UHRF2: variants seen among roughly 807,000 people sequenced by gnomAD.
UHRF2 encodes the protein ubiquitin like with PHD and ring finger domains 2.
In UHRF2, 23 loss-of-function variants were observed where a neutral mutation model predicts 96.8. The observed-to-expected ratio is 0.24, with a 90% CI of 0.17 to 0.34. The LOEUF (loss-of-function observed/expected upper bound fraction) is 0.34, where lower values mean the gene tolerates loss of function less well. Ranked by LOEUF, UHRF2 falls within the 10% of genes least tolerant of loss-of-function variation. The probability of loss-of-function intolerance (pLI) is 1.00; values close to 1 mark genes in which losing one functional copy is unlikely to be tolerated. For missense variants in UHRF2, 685 were observed against 981.5 expected (o/e 0.70, Z 4.04); for synonymous variants, 385 against 332.6 (o/e 1.16, Z -1.72).
rs576362893 is a variant in UHRF2, at chr9:6,474,592, G to A, written c.864-799G>A. On this transcript the variant is annotated intron_variant, in intron 4 of 15. Transcript: ENST00000276893. ...ATGGTGGCGCAGGCCTGTAATCCCAGCTACTTGGAAGGCTGAGGCAGGAGA... is the reference window on the plus strand; with the variant it reads ...ATGGTGGCGCAGGCCTGTAATCCCAACTACTTGGAAGGCTGAGGCAGGAGA... 2.6e-5 allele frequency among the ~76,000 whole-genome samples: 4 copies of A among 152,314 alleles called. No individual in the cohort carries two copies. In the South Asian group the frequency reaches 8.3e-4, roughly 32 times the overall value.
chr9:6,424,493 TA>T (rs1383658580), intron 2 of UHRF2, among the ~76,000 whole-genome samples: 1 of 152,232 alleles, frequency 6.6e-6, no homozygotes, highest in Non-Finnish European at 1.5e-5. Context: ...ATTACTTTTT[TA>T]TTTGTGTTAC....
rs185613335 is a variant in UHRF2 at position 6,498,377 on chromosome 9, G to A, written c.1908+219G>A. The A allele has an allele frequency of 1.7e-5, 7 of 410,292 alleles. No individual in the cohort carries two copies. The East Asian group carries it at 2.8e-4, about 16-fold the overall frequency. 25.4% of individuals were successfully genotyped at this position (410,292 alleles called of 1,614,324 possible). A position where few individuals can be genotyped will look rare whatever the true frequency, so the allele number is the denominator to read the frequency against. On this transcript the variant is annotated intron_variant, in intron 12 of 15. Transcript: ENST00000276893. ...CAAGGGTTGTGCTTGGGAAAAGTTG[G>A]ACCTGTTAATTAAAAGTAAAATATT... is the stretch of plus-strand genomic sequence containing the variant.
intron 4 of UHRF2, among the ~76,000 whole-genome samples, chr9:6,469,757 TAC>T (rs1823123886): frequency 2.7e-5 from 4 of 150,396 alleles, no homozygotes; most frequent in Admixed American, 6.6e-5. Flanking sequence ...CACGTATATA[TAC>T]ACACGTATAT....
chr9:6,454,520 G>C (rs1031433369), intron 3 of UHRF2, among the ~76,000 whole-genome samples: 8 of 152,106 alleles, frequency 5.3e-5, no homozygotes, highest in African/African-American at 1.9e-4. Context: ...TCAGAACTAC[G>C]TGAACACAGA....
chr9:6,414,606 A>G (rs1341843586), intron 1 of UHRF2, among the ~76,000 whole-genome samples: 2 of 152,200 alleles, frequency 1.3e-5, no homozygotes, highest in African/African-American at 4.8e-5. Flanking sequence ...TTAATACACT[A>G]AAAAGTTGGC....
rs186674379 is a variant in UHRF2, at chr9:6,467,164, C to G, written c.863+6373C>G. On this transcript the variant is annotated intron_variant, in intron 4 of 15. Coordinates refer to ENST00000276893, the MANE Select transcript of UHRF2 (RefSeq NM_152896.3). ...CAGGGATATGATTCAGTTTTGTAGA[C>G]TCTAAGGGAGAACCCATTTTCTTGC... Among the ~76,000 whole-genome samples the G allele has an allele frequency of 3.3e-5, 5 of 152,278 alleles. No individual in the cohort carries two copies. The East Asian group carries it at 9.6e-4, about 29-fold the overall frequency.
intron 3 of UHRF2, among the ~76,000 whole-genome samples, chr9:6,456,512 G>C (rs1293650770): frequency 6.6e-6 from 1 of 152,086 alleles, no homozygotes; most frequent in Admixed American, 6.6e-5. Flanking sequence ...AGTTTCTTTT[G>C]CTGTGCAGCA....
At chr9:6,487,703 T>C (rs1463716051) in intron 9 of UHRF2, among the ~76,000 whole-genome samples, 4 of 152,178 alleles carry the variant, frequency 2.6e-5, no homozygotes, top group African/African-American at 7.2e-5. Context: ...GGTTTCGCCA[T>C]GTTGGCCAGG....
At chr9:6,455,820 C>CA (rs1822141524) in intron 3 of UHRF2, among the ~76,000 whole-genome samples, 1 of 151,924 alleles carries the variant, frequency 6.6e-6, no homozygotes, top group South Asian at 2.1e-4. Flanking sequence ...CCTGTCTCCA[C>CA]AAAAAGTTTT....
chr9:6,424,116 A>T (rs10815434), intron 2 of UHRF2, among the ~76,000 whole-genome samples: 41,491 of 80,062 alleles, frequency 0.52, 7,512 homozygotes, highest in African/African-American at 0.6. Flanking sequence ...TAATGCAATT[A>T]GGCAGGAGAA....
In UHRF2 at chr9:6,459,993, G is replaced by A. The variant is rs539894681; in HGVS notation, c.645-580G>A. On this transcript the variant is annotated intron_variant, in intron 3 of 15. Transcript: ENST00000276893. Reference sequence around the variant, plus strand: ...GTCTCAGAAACCAAAACAAAACTTGGGTTAAAAAAATGTAGAGCAAGAGCT... The same window carrying A: ...GTCTCAGAAACCAAAACAAAACTTGAGTTAAAAAAATGTAGAGCAAGAGCT... Among the ~76,000 whole-genome samples, 5 of 151,950 alleles carry A rather than the reference G, an allele frequency of 3.3e-5. No homozygotes were observed. The South Asian group carries it at 8.3e-4, about 25-fold the overall frequency.
intron 10 of UHRF2, 110 bp downstream of exon 10, chr9:6,494,042 A>T: frequency 1.1e-6 from 1 of 912,264 alleles, no homozygotes. Context: ...GGAGTTAAAG[A>T]TCTGAAATTA....
At chr9:6,489,001 G>A (rs1246099845) in intron 9 of UHRF2, among the ~76,000 whole-genome samples, 1 of 151,682 alleles carries the variant, frequency 6.6e-6, no homozygotes, top group African/African-American at 2.4e-5. Context: ...GTATAGGTGG[G>A]GTTTCACCAT....
intron 3 of UHRF2, among the ~76,000 whole-genome samples, chr9:6,439,440 T>C (rs1821032369): frequency 6.6e-6 from 1 of 152,182 alleles, no homozygotes; most frequent in African/African-American, 2.4e-5. Context: ...GGCGTGAGCC[T>C]TCTTGAATTG....
At chr9:6,461,743 G>A (rs1044082743) in intron 4 of UHRF2, among the ~76,000 whole-genome samples, 1 of 152,016 alleles carries the variant, frequency 6.6e-6, no homozygotes, top group African/African-American at 2.4e-5. Context: ...CGTTATTTGA[G>A]TTACTTTTTT....
intron 9 of UHRF2, among the ~76,000 whole-genome samples, chr9:6,488,396 A>G (rs553628001): frequency 6.6e-6 from 1 of 150,486 alleles, no homozygotes; most frequent in South Asian, 2.1e-4. Flanking sequence ...GAACCAGGAT[A>G]TTGACACTAT....
chr9:6,488,702 A>G lies in UHRF2; in HGVS notation c.1497+1777A>G, dbSNP rs552054543. Among the ~76,000 whole-genome samples the G allele has an allele frequency of 4.6e-5, 7 of 151,618 alleles. No individual in the cohort carries two copies. The East Asian group carries it at 1.4e-3, about 29-fold the overall frequency. ...TTTTTACTAGAGATGGGGTTTCTCCATATTGGCCAGGCTAGTCTGGAACTC... is the reference window on the plus strand; with the variant it reads ...TTTTTACTAGAGATGGGGTTTCTCCGTATTGGCCAGGCTAGTCTGGAACTC... On this transcript the variant is annotated intron_variant, in intron 9 of 15. Coordinates refer to ENST00000276893, the MANE Select transcript of UHRF2 (RefSeq NM_152896.3).
chr9:6,417,600 T>C (rs1819680953), intron 1 of UHRF2, among the ~76,000 whole-genome samples: 1 of 152,188 alleles, frequency 6.6e-6, no homozygotes, highest in Admixed American at 6.5e-5. Context: ...GAACTTGTTA[T>C]TGCGGTAGAT....
At chr9:6,451,135 A>G (rs117702266) in intron 3 of UHRF2, among the ~76,000 whole-genome samples, 243 of 152,304 alleles carry the variant, frequency 1.6e-3, no homozygotes, top group Non-Finnish European at 2.9e-3. Flanking sequence ...TTTCAGACTA[A>G]CAATACTTTC....
Sources: gnomAD v4.1 joint callset for allele counts (sites outside exome capture counted in the v4.1 genomes callset) on GRCh38, gnomAD v4.1.1 for gene constraint, MANE v1.5 for transcripts, NCBI Gene and HGNC (gene_info 2026-07-23, HGNC 2026-07-21) for gene names.